Variants in PCDH7 observed in about 807,000 individuals in gnomAD.
The protein encoded by PCDH7 is protocadherin 7.
Under a neutral mutation model 58.9 loss-of-function variants are expected in PCDH7, and 17 were observed. That is an observed-to-expected ratio of 0.29 (90% CI 0.20 to 0.43). The LOEUF is 0.43. PCDH7 is among the 20% of genes least tolerant of loss of function. The probability of loss-of-function intolerance (pLI) is 1.00; values close to 1 mark genes in which losing one functional copy is unlikely to be tolerated. For synonymous variants in PCDH7, 664 were observed against 616.4 expected (o/e 1.08, Z -1.14); for missense variants, 1,274 against 1,441.0 (o/e 0.88, Z 1.88).
chr4:30,748,485 A>T (rs1294313892), intron 1 of PCDH7, among the ~76,000 whole-genome samples: 1 of 152,186 alleles, frequency 6.6e-6, no homozygotes, highest in East Asian at 1.9e-4. Context: ...AGCACATTAG[A>T]CAGAGAACAA....
intron 3 of PCDH7, among the ~76,000 whole-genome samples, chr4:31,047,906 T>G (rs1216971815): frequency 6.6e-6 from 1 of 152,080 alleles, no homozygotes; most frequent in African/African-American, 2.4e-5. Flanking sequence ...TAGACTGTAG[T>G]GACTTCTTAA....
chr4:31,066,642 C>CT (rs1426900298), intron 3 of PCDH7, among the ~76,000 whole-genome samples: 1 of 151,876 alleles, frequency 6.6e-6, no homozygotes, highest in Admixed American at 6.6e-5. Flanking sequence ...TGGTATTACT[C>CT]TTTTCAGATG....
chr4:30,873,986 G>A (rs1735948576), intron 1 of PCDH7, among the ~76,000 whole-genome samples: 1 of 151,940 alleles, frequency 6.6e-6, no homozygotes, highest in African/African-American at 2.4e-5. Context: ...GTTTCAGTTG[G>A]GCTATGTTAA....
At chr4:31,007,272 TAGTG>T (rs999581849) in intron 3 of PCDH7, among the ~76,000 whole-genome samples, 1 of 151,162 alleles carries the variant, frequency 6.6e-6, no homozygotes, top group African/African-American at 2.5e-5. Context: ...ACAACTTAGT[TAGTG>T]TTTTTAAAGT....
chr4:30,919,919 T>A (rs2109414624), intron 1 of PCDH7, among the ~76,000 whole-genome samples: 1 of 152,330 alleles, frequency 6.6e-6, no homozygotes, highest in Admixed American at 6.5e-5. Flanking sequence ...GTGAAATTAC[T>A]GTTTTTTTAT....
intron 1 of PCDH7, among the ~76,000 whole-genome samples, chr4:30,864,807 G>A (rs1208203570): frequency 1.3e-5 from 2 of 151,982 alleles, no homozygotes; most frequent in East Asian, 1.9e-4. Context: ...GGCTGGATTA[G>A]GGGTGGAGTT....
chr4:31,053,129 T>G (rs1756890864), intron 3 of PCDH7, among the ~76,000 whole-genome samples: 1 of 152,082 alleles, frequency 6.6e-6, no homozygotes, highest in Non-Finnish European at 1.5e-5. Context: ...TGCTAAAAAT[T>G]AAATATGATG....
chr4:31,060,572 A>G (rs1757607880), intron 3 of PCDH7, among the ~76,000 whole-genome samples: 1 of 151,762 alleles, frequency 6.6e-6, no homozygotes, highest in African/African-American at 2.4e-5. Context: ...ACTTCTATGT[A>G]TATTTTTAAT....
intron 3 of PCDH7, among the ~76,000 whole-genome samples, chr4:31,031,222 G>C (rs576595852): frequency 9.3e-4 from 141 of 152,158 alleles, no homozygotes; most frequent in Non-Finnish European, 1.7e-3. Context: ...ACACCTCCCC[G>C]ACCCCCCAAG....
intron 3 of PCDH7, among the ~76,000 whole-genome samples, chr4:31,002,554 G>C (rs1752438236): frequency 6.6e-6 from 1 of 152,132 alleles, no homozygotes. Flanking sequence ...TGCATGACTT[G>C]AATAGGAATG....
intron 3 of PCDH7, among the ~76,000 whole-genome samples, chr4:30,972,227 A>C (rs940568403): frequency 2.0e-5 from 3 of 152,160 alleles, no homozygotes; most frequent in Non-Finnish European, 4.4e-5. Flanking sequence ...GAACACCAGT[A>C]TTTCATTTGC....
Position 30,722,919 on chromosome 4 carries a change from G to A in PCDH7, c.1497G>A (p.Arg499=). ...CCCCTCTGGACTATGAGGCCACCCG[G>A]GAGTTCAACGTGGTCATCGTGGCGG... The change falls in exon 1 of 2, where the codon CGG becomes CGA. Residue 499 remains arginine (R), a synonymous_variant. Coordinates refer to ENST00000361762, the Ensembl canonical transcript of PCDH7. The surrounding 1 kb of genome is among the most constrained non-coding windows in gnomAD (Gnocchi z 7.6). The A allele has an allele frequency of 6.2e-7, 1 of 1,613,696 alleles. No homozygotes were observed. The highest frequency in any genetic ancestry group is 8.5e-7 in the Non-Finnish European group (1 of 1,180,020).
intron 3 of PCDH7, among the ~76,000 whole-genome samples, chr4:31,053,731 C>T (rs1756934993): frequency 6.6e-6 from 1 of 152,170 alleles, no homozygotes; most frequent in Non-Finnish European, 1.5e-5. Context: ...TATTGTCCCA[C>T]ATCCTTTTAT....
chr4:30,933,964 G>A (rs1222458794), intron 2 of PCDH7, among the ~76,000 whole-genome samples: 1 of 152,170 alleles, frequency 6.6e-6, no homozygotes, highest in South Asian at 2.1e-4. Context: ...ATAGGTAACT[G>A]CAAACAACGT....
chr4:30,995,498 C>T lies in PCDH7; in HGVS notation c.*7+45283C>T, dbSNP rs933377046. On this transcript the variant is annotated intron_variant, in intron 3 of 3. Coordinates refer to the PCDH7 transcript ENST00000509759. The stretch of plus-strand genomic sequence containing the variant: ...CTGCACTCCAGCCTGGGCGACAGAG[C>T]GAGACTCCCTCCCAAAGGAAAAAAA... 2.7e-5 allele frequency among the ~76,000 whole-genome samples: 4 copies of T among 149,118 alleles called. No homozygotes were observed. In the East Asian group the frequency reaches 5.9e-4, roughly 22 times the overall value.
At chr4:30,927,031 C>T (rs1245720123) in intron 2 of PCDH7, among the ~76,000 whole-genome samples, 2 of 152,074 alleles carry the variant, frequency 1.3e-5, no homozygotes, top group South Asian at 4.1e-4. Context: ...AACTAGATCA[C>T]TTTGCTGAAC....
chr4:31,056,624 AGAGAGAGAGAG>A (rs1261231313), intron 3 of PCDH7, among the ~76,000 whole-genome samples: 1 of 147,906 alleles, frequency 6.8e-6, no homozygotes, highest in Non-Finnish European at 1.5e-5. Context: ...AGTGAAAGAC[AGAGAGAGAGAG>A]GAGAGAGAGA....
rs1447367 is a variant in PCDH7, at chr4:30,846,513, G to A, written c.71-73640G>A. On this transcript the variant is annotated intron_variant, in intron 1 of 3. Coordinates refer to the PCDH7 transcript ENST00000509759. ...TTTTTTTTTTTTAAATAAACTGCCC[G>A]GTCTGTGGTATTATGTTATAGTAAC... 8.0e-3 allele frequency among the ~76,000 whole-genome samples: 1,204 copies of A among 151,062 alleles called. 18 individuals are homozygous for A. Among genetic ancestry groups the A allele is most frequent in the African/African-American group, 0.028 (1,153 of 41,188 alleles).
chr4:30,997,619 T>C (rs907725024), intron 3 of PCDH7, among the ~76,000 whole-genome samples: 23 of 152,292 alleles, frequency 1.5e-4, no homozygotes, highest in African/African-American at 5.1e-4. Flanking sequence ...TGTGTTGATT[T>C]AGACATTTGT....
Sources: allele counts gnomAD v4.1 joint callset (sites outside exome capture counted in the v4.1 genomes callset), GRCh38; gene constraint gnomAD v4.1.1; non-coding constraint Gnocchi (gnomAD v3.1); transcripts MANE v1.5; gene names NCBI Gene and HGNC (gene_info 2026-07-23, HGNC 2026-07-21).